CD93: variants seen among roughly 807,000 people sequenced by gnomAD.
The protein encoded by CD93 is CD93 molecule.
A neutral mutation model predicts 45.5 loss-of-function variants in CD93; 44 were observed. The observed-to-expected ratio is 0.97, with a 90% CI of 0.76 to 1.24. The LOEUF (loss-of-function observed/expected upper bound fraction) is 1.24, where lower values mean the gene tolerates loss of function less well. Ranked by LOEUF, CD93 falls within the 50% of genes most tolerant of loss-of-function variation. The probability of loss-of-function intolerance (pLI) is 0.00; values close to 1 mark genes in which losing one functional copy is unlikely to be tolerated. For synonymous variants in CD93, 431 were observed against 370.8 expected, an observed-to-expected ratio of 1.16 and a Z score of -1.87; for missense variants, 918 against 844.5, an observed-to-expected ratio of 1.09 and a Z score of -1.08.
Position 23,083,622 on chromosome 20 carries a change from C to T in CD93, c.*328G>A, listed in dbSNP as rs115404118. On this transcript the variant is annotated 3_prime_UTR_variant, in exon 2 of 2. Transcript: ENST00000246006. ...GGTGGAAGTGAGCAGAGAAGATATT[C>T]AGGGGAGCCCCTTAGCCCCGGCCTC... is the stretch of plus-strand genomic sequence containing the variant. The T allele has an allele frequency of 1.8e-4, 74 of 405,182 alleles. No homozygotes were observed. The highest frequency in any genetic ancestry group is 1.4e-3 in the African/African-American group (69 of 50,118). The allele number at this position is 405,182 out of a possible 1,614,324, so 25.1% of individuals were successfully genotyped here.
In CD93 at chr20:23,085,831, T is replaced by TTGGGCCCCCCCCCC; in HGVS notation, c.361_362insGGGGGGGGGGCCCA (p.Glu121GlyfsTer84). ...GTGCCAGTTAGAGTAAGGCGTGTCCTCCCCCCCGCCCACCCAGCTGAAGCC... is the reference window on the plus strand; with the variant it reads ...GTGCCAGTTAGAGTAAGGCGTGTCCTTGGGCCCCCCCCCCCCCCCCCGCCCACCCAGCTGAAGCC... On this transcript the variant is annotated frameshift_variant, in exon 1 of 2. Transcript: ENST00000246006. LOFTEE classifies it high-confidence loss of function. 6.7e-7 allele frequency: 1 copy of TTGGGCCCCCCCCCC among 1,491,286 alleles called. No individual in the cohort carries two copies. The allele number at this position is 1,491,286 out of a possible 1,614,324, so 92.4% of individuals were successfully genotyped here.
rs768224358 is a variant in CD93, at chr20:23,084,643, C to T, written c.1550G>A (p.Ser517Asn). 45 of 1,599,828 alleles carry T rather than the reference C, an allele frequency of 2.8e-5. No individual in the cohort carries two copies. In the Admixed American group the frequency reaches 3.4e-4, roughly 12 times the overall value. ...EGTPKATPTT[S>N]RPSLSSDAPI... ...GGCGTCAGATGACAGCGAAGGTCTA[C>T]TTGTGGTGGGTGTAGCCTTGGGGGT... The change falls in exon 1 of 2, where the codon AGT becomes AAT. Residue 517 changes from serine to asparagine, a missense_variant. Physicochemically the swap from Ser to Asn is conservative, Grantham distance 46. Transcript: ENST00000246006.
At position 23,081,207 on chromosome 20, in the gene CD93, G is replaced by A. The variant is rs1427501895; in HGVS notation, c.*2743C>T. 6.6e-6 allele frequency: 1 copy of A among 152,214 alleles called. No homozygotes were observed. Among genetic ancestry groups the A allele is most frequent in the Non-Finnish European group, 1.5e-5 (1 of 68,056 alleles). 9.4% of individuals were successfully genotyped at this position (152,214 alleles called of 1,614,324 possible). A position where few individuals can be genotyped will look rare whatever the true frequency, so the allele number is the denominator to read the frequency against. ...TCCCCCGTCCCCATGGCCCTGGCTT[G>A]TTCTGCTGCTGAACAGGTCACCTGG... On this transcript the variant is annotated 3_prime_UTR_variant, in exon 2 of 2. Coordinates refer to ENST00000246006, the MANE Select transcript of CD93 (RefSeq NM_012072.4).
Position 23,085,344 on chromosome 20 carries a change from G to A in CD93, c.849C>T (p.Phe283=), listed in dbSNP as rs373425822. 1.2e-6 allele frequency: 2 copies of A among 1,614,076 alleles called. No homozygotes were observed. The highest frequency in any genetic ancestry group is 1.3e-5 in the African/African-American group (1 of 75,060). ...QDCFEGGDGS[F]LCGCRPGFRL... is the part of the protein sequence containing the mutation. ...GGAATCCTGGTCGGCAGCCGCAGAG[G>A]AAGGAGCCATCCCCCCCTTCAAAGC... The change falls in exon 1 of 2, where the codon TTC becomes TTT. Residue 283 remains phenylalanine (F), a synonymous_variant. Transcript: ENST00000246006.
At position 23,085,264 on chromosome 20, in the gene CD93, G is replaced by A. The variant is rs1225077772; in HGVS notation, c.929C>T (p.Pro310Leu). Residue 310 changes from proline (P) to leucine (L), a missense_variant, in exon 1 of 2, where the codon CCA (proline) becomes CTA (leucine). By Grantham distance (98) the Pro-to-Leu change is moderately conservative. Coordinates refer to ENST00000246006, the MANE Select transcript of CD93 (RefSeq NM_012072.4). ...CASRNPCSSS[P>L]CRGGATCVLG... The stretch of plus-strand genomic sequence containing the variant: ...GACGCACGTGGCCCCCCCACGACAT[G>A]GGCTGGAGCTGCAAGGGTTTCGAGA... 2 of 1,613,524 alleles carry A rather than the reference G, an allele frequency of 1.2e-6. No homozygotes were observed. The highest frequency in any genetic ancestry group is 1.1e-5 in the South Asian group (1 of 91,080).
At position 23,085,291 on chromosome 20, in the gene CD93, G is replaced by GCAC; in HGVS notation, c.899_901dup (p.Cys300_Ala301insGly). The GCAC allele has an allele frequency of 6.2e-7, 1 of 1,613,982 alleles. No homozygotes were observed. Among genetic ancestry groups the GCAC allele is most frequent in the Non-Finnish European group, 8.5e-7 (1 of 1,180,028 alleles). ...GCTGGAGCTGCAAGGGTTTCGAGAG[G>GCAC]CACAGGTCACCAGGTCATCCAGCAG... On this transcript the variant is annotated inframe_insertion, in exon 1 of 2. Coordinates refer to ENST00000246006, the MANE Select transcript of CD93 (RefSeq NM_012072.4).
Position 23,084,663 on chromosome 20 carries a change from G to C in CD93, c.1530C>G (p.Pro510=), listed in dbSNP as rs1473562174. ...GTCTACTTGTGGTGGGTGTAGCCTT[G>C]GGGGTGCCCTCGGGGCCCCTTGTGG... ...ASPTRGPEGT[P]KATPTTSRPS... The change falls in exon 1 of 2, where the codon CCC becomes CCG. Residue 510 remains proline, a synonymous_variant. Coordinates refer to ENST00000246006, the MANE Select transcript of CD93 (RefSeq NM_012072.4). The C allele has an allele frequency of 6.3e-7, 1 of 1,589,276 alleles. No individual in the cohort carries two copies. Among genetic ancestry groups the C allele is most frequent in the Non-Finnish European group, 8.6e-7 (1 of 1,167,944 alleles).
At position 23,084,363 on chromosome 20, in the gene CD93, T is replaced by C. The variant is rs562589094; in HGVS notation, c.1830A>G (p.Arg610=). ...TCTCCTTCTTCTCCTCCCTCTTCGC[T>C]CTCCGCTTGCGATAGACCAGTAGCC... ...ALGLLVYRKR[R]AKREEKKEKK... is the part of the protein sequence containing the mutation. Residue 610 remains arginine, a synonymous_variant, in exon 1 of 2, where the codon AGA becomes AGG. Transcript: ENST00000246006. The C allele has an allele frequency of 1.9e-6, 3 of 1,614,172 alleles. No homozygotes were observed. The East Asian group carries it at 6.7e-5, about 36-fold the overall frequency.
In CD93 at chr20:23,085,838, C is replaced by A. The variant is rs35174999; in HGVS notation, c.355G>T (p.Gly119Trp). Residue 119 changes from glycine (G) to tryptophan (W), a missense_variant, in exon 1 of 2, where the codon GGG becomes TGG. Gly to Trp is a radical substitution (Grantham distance 184, BLOSUM62 -2). Transcript: ENST00000246006. ...TTAGAGTAAGGCGTGTCCTCCCCCC[C>A]GCCCACCCAGCTGAAGCCCTTCAGC... Reference protein sequence around the residue: ...LPLKGFSWVGGGEDTPYSNWH... With the variant: ...LPLKGFSWVGWGEDTPYSNWH... 7 of 1,589,078 alleles carry A rather than the reference C, an allele frequency of 4.4e-6. No individual in the cohort carries two copies. The highest frequency in any genetic ancestry group is 4.0e-5 in the African/African-American group (3 of 74,262).
chr20:23,086,256 C>A lies in CD93; in HGVS notation c.-64G>T. On this transcript the variant is annotated 5_prime_UTR_variant, in exon 1 of 2. Transcript: ENST00000246006. ...CCAGCGGCGACAGGAGCTTCTATCT[C>A]GGCTCCCAGCTGGGCCCCAAGGGGA... 1 of 1,452,556 alleles carries A rather than the reference C, an allele frequency of 6.9e-7. No individual in the cohort carries two copies. Among genetic ancestry groups the A allele is most frequent in the South Asian group, 1.4e-5 (1 of 70,594 alleles). The allele number at this position is 1,452,556 out of a possible 1,614,324, so 90.0% of individuals were successfully genotyped here. A position where few individuals can be genotyped will look rare whatever the true frequency, so the allele number is the denominator to read the frequency against.
Position 23,079,915 on chromosome 20 carries a change from T to C in CD93, c.*4035A>G, listed in dbSNP as rs1167617063. ...GAGTATTTGTCTCAGGAATCTAGTATGAAAATAGTGTCTTTGATTAGTGAA... is the reference window on the plus strand; with the variant it reads ...GAGTATTTGTCTCAGGAATCTAGTACGAAAATAGTGTCTTTGATTAGTGAA... On this transcript the variant is annotated 3_prime_UTR_variant, in exon 2 of 2. Coordinates refer to ENST00000246006, the MANE Select transcript of CD93 (RefSeq NM_012072.4). The C allele has an allele frequency of 6.6e-6, 1 of 151,768 alleles. No homozygotes were observed. The highest frequency in any genetic ancestry group is 6.6e-5 in the Admixed American group (1 of 15,186). 9.4% of individuals were successfully genotyped at this position (151,768 alleles called of 1,614,324 possible). A position where few individuals can be genotyped will look rare whatever the true frequency, so the allele number is the denominator to read the frequency against.
rs148153162 is a variant in CD93 at position 23,084,983 on chromosome 20, C to T, written c.1210G>A (p.Asp404Asn). Residue 404 changes from aspartate to asparagine, a missense_variant, in exon 1 of 2, where the codon GAT becomes AAT. Transcript: ENST00000246006. ...SPCAQGCTNT[D>N]GSFHCSCEEG... ...TCACAGGAGCAGTGAAATGAGCCATCTGTGTTGGTGCAGCCCTGGGCGCAA... is the reference window on the plus strand; with the variant it reads ...TCACAGGAGCAGTGAAATGAGCCATTTGTGTTGGTGCAGCCCTGGGCGCAA... 3 of 1,613,812 alleles carry T rather than the reference C, an allele frequency of 1.9e-6. No individual in the cohort carries two copies. In the African/African-American group the frequency reaches 4.0e-5, roughly 22 times the overall value.
chr20:23,081,522 T>C lies in CD93; in HGVS notation c.*2428A>G, dbSNP rs1192676228. 1 of 152,258 alleles carries C rather than the reference T, an allele frequency of 6.6e-6. No individual in the cohort carries two copies. The highest frequency in any genetic ancestry group is 6.5e-5 in the Admixed American group (1 of 15,292). The allele number at this position is 152,258 out of a possible 1,614,324, so 9.4% of individuals were successfully genotyped here. A position where few individuals can be genotyped will look rare whatever the true frequency, so the allele number is the denominator to read the frequency against. On this transcript the variant is annotated 3_prime_UTR_variant, in exon 2 of 2. Transcript: ENST00000246006. ...TCCATCAGATGCACAACCTGAGCTGTCTGGTTGGGTTGCTGGCTCTCCCCC... is the reference window on the plus strand; with the variant it reads ...TCCATCAGATGCACAACCTGAGCTGCCTGGTTGGGTTGCTGGCTCTCCCCC...
At position 23,081,598 on chromosome 20, in the gene CD93, C is replaced by T. The variant is rs1037094405; in HGVS notation, c.*2352G>A. On this transcript the variant is annotated 3_prime_UTR_variant, in exon 2 of 2. Coordinates refer to ENST00000246006, the MANE Select transcript of CD93 (RefSeq NM_012072.4). ...AAGCACCACCCAGCAGGAGAGGGAC[C>T]CAGCCTGCCAGGGAAGGTTTTGAGG... The T allele has an allele frequency of 3.9e-5, 6 of 152,208 alleles. No individual in the cohort carries two copies. The highest frequency in any genetic ancestry group is 2.1e-4 in the South Asian group (1 of 4,830). 9.4% of individuals were successfully genotyped at this position (152,208 alleles called of 1,614,324 possible).
rs1368674445 is a variant in CD93 at position 23,082,064 on chromosome 20, C to T, written c.*1886G>A. 1.3e-5 allele frequency: 2 copies of T among 152,176 alleles called. No individual in the cohort carries two copies. The highest frequency in any genetic ancestry group is 4.8e-5 in the African/African-American group (2 of 41,428). 9.4% of individuals were successfully genotyped at this position (152,176 alleles called of 1,614,324 possible). A position where few individuals can be genotyped will look rare whatever the true frequency, so the allele number is the denominator to read the frequency against. ...GGAAGTTTTGCCAAATGGACACAGC[C>T]TTTGTCTCCCTTAAGTGTTAAACAC... On this transcript the variant is annotated 3_prime_UTR_variant, in exon 2 of 2. Coordinates refer to ENST00000246006, the MANE Select transcript of CD93 (RefSeq NM_012072.4).
chr20:23,084,013 G>A (rs368817222), intron 1 of CD93, 39 bp from the exon 2 acceptor site: 42 of 1,611,852 alleles, frequency 2.6e-5, no homozygotes, highest in African/African-American at 8.0e-5. Context: ...AAGCCATGGC[G>A]CCTCTGTGCC....
chr20:23,084,530 C>T lies in CD93; in HGVS notation c.1663G>A (p.Ala555Thr). Residue 555 changes from alanine (A) to threonine (T), a missense_variant, in exon 1 of 2, where the codon GCC (alanine) becomes ACC (threonine). Coordinates refer to ENST00000246006, the MANE Select transcript of CD93 (RefSeq NM_012072.4). ...CCTGCAGGCTCCTGGGGGCCAGAGG[C>T]AGCTGTGGCGTGATGGATGCTGGGC... ...REPSIHHATA[A>T]SGPQEPAGGD... The T allele has an allele frequency of 6.2e-7, 1 of 1,613,996 alleles. No individual in the cohort carries two copies. Among genetic ancestry groups the T allele is most frequent in the Non-Finnish European group, 8.5e-7 (1 of 1,180,028 alleles).
intron 1 of CD93, 37 bp downstream of exon 1, chr20:23,084,222 C>T (rs1324884763): frequency 1.9e-6 from 3 of 1,601,474 alleles, no homozygotes; most frequent in Non-Finnish European, 2.6e-6. Flanking sequence ...CCCATGCCTG[C>T]CCATCCCCTC....
At position 23,083,411 on chromosome 20, in the gene CD93, T is replaced by C. The variant is rs1985377569; in HGVS notation, c.*539A>G. The C allele has an allele frequency of 6.4e-6, 1 of 155,062 alleles. No homozygotes were observed. The allele number at this position is 155,062 out of a possible 1,614,324, so 9.6% of individuals were successfully genotyped here. On this transcript the variant is annotated 3_prime_UTR_variant, in exon 2 of 2. Coordinates refer to ENST00000246006, the MANE Select transcript of CD93 (RefSeq NM_012072.4). ...CAACAGTATCACATTTAGCAAGACT[T>C]GTGCTGGCGAAATGGAGGAATGCAA...
Sources: allele counts gnomAD v4.1 joint callset, GRCh38; gene constraint gnomAD v4.1.1; transcripts MANE v1.5; gene names NCBI Gene and HGNC (gene_info 2026-07-23, HGNC 2026-07-21).